MYO6: variants seen among roughly 807,000 people sequenced by gnomAD.
The protein encoded by MYO6 is myosin VI.
Under a neutral mutation model 178.7 loss-of-function variants are expected in MYO6, and 74 were observed. That is an observed-to-expected ratio of 0.41 (90% CI 0.34 to 0.50). MYO6 has a LOEUF of 0.50. MYO6 is among the 20% of genes least tolerant of loss of function. MYO6 has a pLI of 0.09. For missense variants in MYO6, 1,330 were observed against 1,547.4 expected (o/e 0.86, Z 2.36); for synonymous variants, 477 against 504.6 (o/e 0.95, Z 0.73).
intron 28 of MYO6, chr6:75,894,897 C>T (rs1779177949): frequency 8.8e-7 from 1 of 1,142,426 alleles, no homozygotes; most frequent in Non-Finnish European, 1.2e-6. Context: ...CAATCAATTA[C>T]ACATATGATT....
At chr6:75,753,278 T>C (rs1777050635) in intron 1 of MYO6, among the ~76,000 whole-genome samples, 1 of 152,024 alleles carries the variant, frequency 6.6e-6, no homozygotes, top group Non-Finnish European at 1.5e-5. Flanking sequence ...AGGATATTCA[T>C]ATTCAACTGT....
intron 9 of MYO6, among the ~76,000 whole-genome samples, chr6:75,843,886 A>G (rs1393345859): frequency 6.6e-6 from 1 of 152,132 alleles, no homozygotes; most frequent in Non-Finnish European, 1.5e-5. Flanking sequence ...AAATCATTCA[A>G]ATTTTTATAA....
At chr6:75,875,686 G>A (rs11755704) in intron 20 of MYO6, among the ~76,000 whole-genome samples, 34,771 of 152,246 alleles carry the variant, frequency 0.23, 5,184 homozygotes, top group Middle Eastern at 0.39. Context: ...CAGCACAGAT[G>A]TGTATTCCCT....
At chr6:75,808,524 G>A (rs1018445982) in intron 1 of MYO6, among the ~76,000 whole-genome samples, 3 of 152,112 alleles carry the variant, frequency 2.0e-5, no homozygotes, top group African/African-American at 7.2e-5. Flanking sequence ...ATATGAATTT[G>A]GGGGGAACAA....
chr6:75,767,008 G>T (rs1363642953), intron 1 of MYO6, among the ~76,000 whole-genome samples: 1 of 151,660 alleles, frequency 6.6e-6, no homozygotes, highest in Non-Finnish European at 1.5e-5. Flanking sequence ...TTATTTTTTT[G>T]TGTCATCTTC....
At position 75,916,094 on chromosome 6, in the gene MYO6, A is replaced by G. The variant is rs1781102621; in HGVS notation, c.*1082A>G. On this transcript the variant is annotated 3_prime_UTR_variant, in exon 35 of 35. Coordinates refer to ENST00000369977, the MANE Select transcript of MYO6 (RefSeq NM_004999.4). Reference sequence around the variant, plus strand: ...TTTTCTTTGTGTGCTGTTAGTATTGATTCAAATGTCAGCAGCTTTAAGCCT... The same window carrying G: ...TTTTCTTTGTGTGCTGTTAGTATTGGTTCAAATGTCAGCAGCTTTAAGCCT... 1 of 152,228 alleles carries G rather than the reference A, an allele frequency of 6.6e-6. No homozygotes were observed. The highest frequency in any genetic ancestry group is 1.5e-5 in the Non-Finnish European group (1 of 68,038). The allele number at this position is 152,228 out of a possible 1,614,324, so 9.4% of individuals were successfully genotyped here.
At chr6:75,859,106 G>C in intron 14 of MYO6, 113 bp downstream of exon 14, 2 of 738,534 alleles carry the variant, frequency 2.7e-6, no homozygotes, top group South Asian at 3.3e-5. Flanking sequence ...TATAACGGAA[G>C]GTGGCTCAGG....
chr6:75,798,747 A>AG (rs1467332481), intron 1 of MYO6, among the ~76,000 whole-genome samples: 3 of 152,194 alleles, frequency 2.0e-5, no homozygotes, highest in Non-Finnish European at 2.9e-5. Flanking sequence ...TTATTCTGGA[A>AG]GTCCTAGCCA....
chr6:75,887,730 T>C (rs1778566391), intron 25 of MYO6, among the ~76,000 whole-genome samples: 1 of 151,172 alleles, frequency 6.6e-6, no homozygotes, highest in Admixed American at 6.6e-5. Flanking sequence ...TCCCAGCACT[T>C]TGGGAGGCCG....
At chr6:75,910,890 A>G (rs551195732) in intron 32 of MYO6, among the ~76,000 whole-genome samples, 46 of 152,234 alleles carry the variant, frequency 3.0e-4, no homozygotes, top group African/African-American at 8.9e-4. Flanking sequence ...AGAAGGAACA[A>G]TTCATTAATT....
chr6:75,843,010 G>A (rs1439532356), intron 9 of MYO6, among the ~76,000 whole-genome samples: 2 of 152,158 alleles, frequency 1.3e-5, no homozygotes, highest in African/African-American at 4.8e-5. Flanking sequence ...ATGGTAAGAG[G>A]AAGAGTAGGG....
chr6:75,910,589 GT>G (rs1780687936), intron 32 of MYO6, among the ~76,000 whole-genome samples: 1 of 152,164 alleles, frequency 6.6e-6, no homozygotes, highest in Non-Finnish European at 1.5e-5. Flanking sequence ...AGGAATTTAT[GT>G]GAACACAACC....
chr6:75,782,085 G>A (rs1373920587), intron 1 of MYO6, among the ~76,000 whole-genome samples: 1 of 152,034 alleles, frequency 6.6e-6, no homozygotes, highest in Non-Finnish European at 1.5e-5. Flanking sequence ...TAAAGTATGG[G>A]CAGGAAATTG....
At chr6:75,833,110 C>T (rs1295414217) in intron 6 of MYO6, among the ~76,000 whole-genome samples, 163 bp downstream of exon 6, 1 of 152,206 alleles carries the variant, frequency 6.6e-6, no homozygotes, top group Non-Finnish European at 1.5e-5. Context: ...CCTCATTCTC[C>T]CGAATGGCTG....
At chr6:75,910,849 T>G (rs1303403687) in intron 32 of MYO6, among the ~76,000 whole-genome samples, 1 of 152,084 alleles carries the variant, frequency 6.6e-6, no homozygotes, top group African/African-American at 2.4e-5. Context: ...TAAACACCCT[T>G]TAAAAGGAAG....
At chr6:75,867,734 T>C (rs1776814555) in intron 18 of MYO6, among the ~76,000 whole-genome samples, 1 of 152,238 alleles carries the variant, frequency 6.6e-6, no homozygotes, top group African/African-American at 2.4e-5. Flanking sequence ...CTCTTCAAAC[T>C]GCTTATTTAA....
In MYO6 at chr6:75,840,586, T is replaced by A; in HGVS notation, c.555T>A (p.Ala185=). Residue 185 remains alanine, a splice_region_variant and synonymous_variant, in exon 8 of 35, where the codon GCT becomes GCA. Coordinates refer to ENST00000369977, the MANE Select transcript of MYO6 (RefSeq NM_004999.4). ...ATGGATTTTTTTGTTTCTCAATAGCTAACCCACTCCTAGAAGCCTTTGGAA... is the reference window on the plus strand; with the variant it reads ...ATGGATTTTTTTGTTTCTCAATAGCAAACCCACTCCTAGAAGCCTTTGGAA... The part of the protein sequence containing the change: ...GQDIDDRIVE[A]NPLLEAFGNA... 1 of 1,612,502 alleles carries A rather than the reference T, an allele frequency of 6.2e-7. No homozygotes were observed. The highest frequency in any genetic ancestry group is 1.1e-5 in the South Asian group (1 of 91,050).
intron 30 of MYO6, among the ~76,000 whole-genome samples, chr6:75,905,112 A>G (rs1303670478): frequency 6.6e-6 from 1 of 152,182 alleles, no homozygotes; most frequent in Non-Finnish European, 1.5e-5. Context: ...TCCTGGGAGA[A>G]CCACTGCTCT....
intron 30 of MYO6, among the ~76,000 whole-genome samples, chr6:75,900,074 T>C (rs1042350906): frequency 2.0e-5 from 3 of 152,010 alleles, no homozygotes; most frequent in African/African-American, 7.3e-5. Context: ...CTCATCATTT[T>C]TTATGGCTGC....
Sources: allele counts gnomAD v4.1 joint callset (sites outside exome capture counted in the v4.1 genomes callset), GRCh38; gene constraint gnomAD v4.1.1; transcripts MANE v1.5; gene names NCBI Gene and HGNC (gene_info 2026-07-23, HGNC 2026-07-21).